Variants in SPCS2 observed in about 807,000 individuals in gnomAD.
SPCS2 encodes signal peptidase complex subunit 2.
In SPCS2, 3 loss-of-function variants were observed where a neutral mutation model predicts 22.3. The ratio of observed to expected loss-of-function variants is 0.13; its 90% CI spans 0.06 to 0.35. SPCS2 has a LOEUF of 0.35. Among genes scored for constraint, SPCS2 ranks in the 10% least tolerant of loss-of-function variants. The pLI is 1.00. For synonymous variants in SPCS2, 67 were observed against 97.2 expected (o/e 0.69, Z 1.83); for missense variants, 169 against 280.9 (o/e 0.60, Z 2.85).
intron 1 of SPCS2, among the ~76,000 whole-genome samples, chr11:74,951,887 G>C (rs946649034): frequency 2.0e-5 from 3 of 151,760 alleles, no homozygotes; most frequent in African/African-American, 7.3e-5. Flanking sequence ...ACCTTATTTG[G>C]GGGGAGAAAA....
In SPCS2 at chr11:74,977,238, A is replaced by G; in HGVS notation, c.*195A>G. The G allele has an allele frequency of 2.0e-6, 1 of 495,482 alleles. No homozygotes were observed. The highest frequency in any genetic ancestry group is 3.2e-5 in the South Asian group (1 of 31,260). 30.7% of individuals were successfully genotyped at this position (495,482 alleles called of 1,614,324 possible). A position where few individuals can be genotyped will look rare whatever the true frequency, so the allele number is the denominator to read the frequency against. ...ATGAGAAGTTGTAGCTCTGATGTCT[A>G]GCTGTAGTCTCCTTGATCTGCTGAT... On this transcript the variant is annotated 3_prime_UTR_variant, in exon 5 of 5. Coordinates refer to ENST00000263672, the MANE Select transcript of SPCS2 (RefSeq NM_014752.3).
chr11:74,965,226 A>T lies in SPCS2; in HGVS notation c.198+109A>T, dbSNP rs1037214705. 10 of 732,472 alleles carry T rather than the reference A, an allele frequency of 1.4e-5. No individual in the cohort carries two copies. The African/African-American group carries it at 1.6e-4, about 12-fold the overall frequency. 45.4% of individuals were successfully genotyped at this position (732,472 alleles called of 1,614,324 possible). On this transcript the variant is annotated intron_variant, in intron 2 of 4. Transcript: ENST00000263672. ...AGTGACCTTAGTTTTCAGTGTTAGA[A>T]ATTAAGTCAGAAAGCAGTTTCTAAA...
At chr11:74,975,123 A>C (rs970448337) in intron 4 of SPCS2, among the ~76,000 whole-genome samples, 2 of 151,950 alleles carry the variant, frequency 1.3e-5, no homozygotes, top group Non-Finnish European at 2.9e-5. Context: ...CGATGCAAAC[A>C]TACCCTCATC....
At chr11:74,960,502 C>CTT (rs367939644) in intron 1 of SPCS2, among the ~76,000 whole-genome samples, 61 of 143,974 alleles carry the variant, frequency 4.2e-4, no homozygotes, top group Non-Finnish European at 5.5e-4. Context: ...AGATTAACAT[C>CTT]TTTTTTTTTT....
At chr11:74,958,625 G>C (rs1185749912) in intron 1 of SPCS2, among the ~76,000 whole-genome samples, 1 of 152,140 alleles carries the variant, frequency 6.6e-6, no homozygotes, top group African/African-American at 2.4e-5. Context: ...ATACAAATGG[G>C]TATTTATCCT....
At chr11:74,971,082 C>T (rs1428722872) in intron 4 of SPCS2, among the ~76,000 whole-genome samples, 1 of 152,136 alleles carries the variant, frequency 6.6e-6, no homozygotes, top group Non-Finnish European at 1.5e-5. Context: ...CTTTTATGGA[C>T]ATTTCATATG....
chr11:74,952,606 C>T (rs190852389), intron 1 of SPCS2, among the ~76,000 whole-genome samples: 5 of 152,108 alleles, frequency 3.3e-5, no homozygotes, highest in South Asian at 2.1e-4. Context: ...CATGAGCCAC[C>T]GCACCCAGCT....
At chr11:74,974,860 C>T (rs537187981) in intron 4 of SPCS2, among the ~76,000 whole-genome samples, 33 of 152,204 alleles carry the variant, frequency 2.2e-4, no homozygotes, top group African/African-American at 6.3e-4. Context: ...GTGATCTGCC[C>T]GCCTTGGCCT....
chr11:74,964,925 A>C (rs1948534896), intron 1 of SPCS2, 109 bp from the exon 2 acceptor site: 1 of 689,262 alleles, frequency 1.5e-6, no homozygotes, highest in Admixed American at 3.0e-5. Flanking sequence ...ATCAGAAGAC[A>C]AAGAGTAAAT....
At chr11:74,964,934 ATAT>A (rs1361078248) in intron 1 of SPCS2, 97 bp from the exon 2 acceptor site, 4 of 731,106 alleles carry the variant, frequency 5.5e-6, no homozygotes, top group Non-Finnish European at 8.8e-6. Flanking sequence ...CAAAGAGTAA[ATAT>A]TATATGTGCA....
At chr11:74,963,719 T>C (rs954206028) in intron 1 of SPCS2, 2 of 322,448 alleles carry the variant, frequency 6.2e-6, no homozygotes, top group African/African-American at 4.5e-5. Context: ...TTATTTCTTA[T>C]AGGCATTATC....
intron 1 of SPCS2, 176 bp downstream of exon 1, chr11:74,949,575 A>T (rs948656380): frequency 1.5e-6 from 1 of 677,740 alleles, no homozygotes; most frequent in African/African-American, 1.8e-5. Flanking sequence ...TCACACTTCA[A>T]ACCTGGACCC....
chr11:74,976,792 C>T lies in SPCS2; in HGVS notation c.495-65C>T, dbSNP rs144290810. 126 of 1,594,600 alleles carry T rather than the reference C, an allele frequency of 7.9e-5. No homozygotes were observed. The East Asian group carries it at 2.0e-3, about 25-fold the overall frequency. The stretch of plus-strand genomic sequence containing the variant: ...CCTTTTCTTCGGAAACACTTGGTGC[C>T]GTATTGTTACTGGTTGAATCTCTGT... On this transcript the variant is annotated intron_variant, in intron 4 of 4. Coordinates refer to ENST00000263672, the MANE Select transcript of SPCS2 (RefSeq NM_014752.3).
At chr11:74,952,041 G>A (rs772081548) in intron 1 of SPCS2, among the ~76,000 whole-genome samples, 8 of 152,164 alleles carry the variant, frequency 5.3e-5, no homozygotes, top group African/African-American at 1.2e-4. Context: ...TAGGGAGGCC[G>A]TGGATTGCTT....
At chr11:74,950,222 T>C (rs1160033972) in intron 1 of SPCS2, among the ~76,000 whole-genome samples, 1 of 151,992 alleles carries the variant, frequency 6.6e-6, no homozygotes, top group Non-Finnish European at 1.5e-5. Flanking sequence ...CTAATTAGCT[T>C]TGTGACCTTG....
chr11:74,976,100 T>G (rs1420182124), intron 4 of SPCS2, among the ~76,000 whole-genome samples: 1 of 152,210 alleles, frequency 6.6e-6, no homozygotes, highest in Non-Finnish European at 1.5e-5. Flanking sequence ...GTGCAAGGAC[T>G]AGGCACCCCG....
chr11:74,967,329 C>A (rs2140218925), intron 3 of SPCS2, among the ~76,000 whole-genome samples: 1 of 152,336 alleles, frequency 6.6e-6, no homozygotes, highest in South Asian at 2.1e-4. Flanking sequence ...AACATTATTA[C>A]AAATATCTGG....
intron 1 of SPCS2, among the ~76,000 whole-genome samples, chr11:74,955,851 AATAT>A (rs60855711): frequency 0.029 from 1,624 of 55,556 alleles, 91 homozygotes; most frequent in East Asian, 0.038. Context: ...TACTAATTAA[AATAT>A]ATATATATAT....
At chr11:74,953,531 C>T (rs773328236) in intron 1 of SPCS2, among the ~76,000 whole-genome samples, 2 of 151,940 alleles carry the variant, frequency 1.3e-5, no homozygotes, top group African/African-American at 2.4e-5. Context: ...TTGATTTGGG[C>T]GGGGAGGGTT....
Sources: allele counts gnomAD v4.1 joint callset (sites outside exome capture counted in the v4.1 genomes callset), GRCh38; gene constraint gnomAD v4.1.1; transcripts MANE v1.5; gene names NCBI Gene and HGNC (gene_info 2026-07-23, HGNC 2026-07-21).